Variants in EMSY observed in about 807,000 individuals in gnomAD.
The protein encoded by EMSY is EMSY transcriptional repressor, BRCA2 interacting, also known as BRCA2-interacting transcriptional repressor EMSY.
In EMSY, 26 loss-of-function variants were observed where a neutral mutation model predicts 134.6. That is an observed-to-expected ratio of 0.19 (90% confidence interval 0.14 to 0.27). The LOEUF is 0.27. Among genes scored for constraint, EMSY ranks in the 10% least tolerant of loss-of-function variants. The probability of loss-of-function intolerance (pLI) is 1.00; values close to 1 mark genes in which losing one functional copy is unlikely to be tolerated. For synonymous variants in EMSY, 579 were observed against 577.8 expected, an observed-to-expected ratio of 1.00 and a Z score of -0.03; for missense variants, 1,305 against 1,611.4, an observed-to-expected ratio of 0.81 and a Z score of 3.26.
At chr11:76,494,343 G>A (rs1949544258) in intron 8 of EMSY, among the ~76,000 whole-genome samples, 1 of 152,236 alleles carries the variant, frequency 6.6e-6, no homozygotes, top group South Asian at 2.1e-4. Context: ...TAGTTAGGGA[G>A]TTACCCATGT....
intron 8 of EMSY, among the ~76,000 whole-genome samples, chr11:76,495,709 T>A (rs552834554): frequency 6.6e-6 from 1 of 152,272 alleles, no homozygotes; most frequent in South Asian, 2.1e-4. Flanking sequence ...CTCTTCACCA[T>A]TCTCAGAGAA....
At chr11:76,513,672 C>A in intron 10 of EMSY, 137 bp downstream of exon 11, 1 of 844,404 alleles carries the variant, frequency 1.2e-6, no homozygotes, top group Non-Finnish European at 1.8e-6. Flanking sequence ...TTGATTCTCA[C>A]ACCCCTACTG....
intron 8 of EMSY, among the ~76,000 whole-genome samples, chr11:76,491,112 A>G (rs970407889): frequency 6.6e-6 from 1 of 150,614 alleles, no homozygotes; most frequent in African/African-American, 2.4e-5. Context: ...TGCTGTCCTC[A>G]TTCCTTTCAG....
chr11:76,545,172 T>C (rs1951597139), intron 19 of EMSY, among the ~76,000 whole-genome samples: 1 of 152,250 alleles, frequency 6.6e-6, no homozygotes, highest in East Asian at 1.9e-4. Flanking sequence ...CTCTGATTTC[T>C]GTGGTAATAA....
intron 9 of EMSY, among the ~76,000 whole-genome samples, chr11:76,502,044 G>GAA (rs57263473): frequency 1.3e-3 from 120 of 93,094 alleles, no homozygotes; most frequent in African/African-American, 3.3e-3. Context: ...CATTTGAAAT[G>GAA]AAAAAAAAAA....
At chr11:76,458,250 C>T (rs778297607) in exon 5 of EMSY, 3 of 1,614,096 alleles carry the variant, frequency 1.9e-6, no homozygotes, top group Non-Finnish European at 2.5e-6. Flanking sequence ...ACTGATGCCC[C>T]GGCTCGTTCC....
chr11:76,529,260 T>TA (rs1197428063), intron 14 of EMSY, among the ~76,000 whole-genome samples: 4 of 152,162 alleles, frequency 2.6e-5, no homozygotes, highest in African/African-American at 9.7e-5. Flanking sequence ...AAGCTGTTTA[T>TA]CTTCCCTTGT....
At chr11:76,522,981 T>G (rs1183549665) in intron 11 of EMSY, among the ~76,000 whole-genome samples, 174 bp from the exon 13 acceptor site, 1 of 152,206 alleles carries the variant, frequency 6.6e-6, no homozygotes, top group African/African-American at 2.4e-5. Context: ...ATTCTCTCAT[T>G]CTGGTATGAC....
At chr11:76,511,730 T>G (rs905430961) in intron 9 of EMSY, among the ~76,000 whole-genome samples, 1 of 151,976 alleles carries the variant, frequency 6.6e-6, no homozygotes, top group Non-Finnish European at 1.5e-5. Flanking sequence ...TAATAATAAC[T>G]GTAATTCACT....
intron 8 of EMSY, among the ~76,000 whole-genome samples, chr11:76,494,647 TTCCCTTCCTTCCTTCCTTCC>T (rs1949555053): frequency 7.4e-6 from 1 of 135,292 alleles, no homozygotes; most frequent in Non-Finnish European, 1.6e-5. Flanking sequence ...CTCCTTTCCT[TTCCCTTCCTTCCTTCCTTCC>T]TTCCTTCCTT....
In EMSY at chr11:76,459,868, AT is replaced by A. The variant is rs1164831851; in HGVS notation, c.422-61del. 1.5e-5 allele frequency: 24 copies of A among 1,572,240 alleles called. No individual in the cohort carries two copies. In the African/African-American group the frequency reaches 2.7e-4, roughly 18 times the overall value. ...TTAAAATTGGCCTGCAATAAAAATA[AT>A]TTTTTTGTATGCCTGGACAGTTTTG... is the stretch of plus-strand genomic sequence containing the variant. On this transcript the variant is annotated intron_variant, in intron 5 of 20. Coordinates refer to ENST00000334736, the Ensembl canonical transcript of EMSY.
intron 16 of EMSY, 104 bp downstream of exon 17, chr11:76,538,054 T>C: frequency 9.2e-7 from 1 of 1,086,030 alleles, no homozygotes; most frequent in Non-Finnish European, 1.2e-6. Context: ...TTTTTAGCTT[T>C]TTCCTCTTTG....
chr11:76,542,293 G>A (rs1951467478), exon 18 of EMSY: 9 of 1,614,104 alleles, frequency 5.6e-6, no homozygotes, highest in Middle Eastern at 3.3e-4. Flanking sequence ...GTCACAGACC[G>A]CAACACAGAC....
intron 14 of EMSY, among the ~76,000 whole-genome samples, chr11:76,528,785 T>G (rs1380318632): frequency 6.6e-6 from 1 of 152,110 alleles, no homozygotes; most frequent in Non-Finnish European, 1.5e-5. Context: ...CCTCTCTGGT[T>G]TGGGTAAGTA....
intron 14 of EMSY, among the ~76,000 whole-genome samples, chr11:76,528,958 C>A (rs1245322797): frequency 6.6e-6 from 1 of 152,060 alleles, no homozygotes; most frequent in African/African-American, 2.4e-5. Flanking sequence ...GTTGTTCTGG[C>A]ACAATTATTA....
intron 8 of EMSY, among the ~76,000 whole-genome samples, chr11:76,493,545 C>G (rs1330068519): frequency 6.6e-6 from 1 of 152,134 alleles, no homozygotes; most frequent in Non-Finnish European, 1.5e-5. Context: ...AATTAGCATG[C>G]ACTTTCTCCC....
chr11:76,510,166 C>A (rs1205796498), intron 9 of EMSY, among the ~76,000 whole-genome samples: 2 of 152,202 alleles, frequency 1.3e-5, no homozygotes, highest in Admixed American at 1.3e-4. Flanking sequence ...TCACCCTGGA[C>A]TATAAAGCAA....
intron 8 of EMSY, among the ~76,000 whole-genome samples, chr11:76,481,124 A>G (rs576048580): frequency 6.6e-6 from 1 of 152,152 alleles, no homozygotes; most frequent in Non-Finnish European, 1.5e-5. Context: ...GCTCACTGCA[A>G]GCTCTGCCTC....
chr11:76,528,137 G>C (rs1950909197), intron 13 of EMSY, 131 bp from the exon 15 acceptor site: 2 of 749,952 alleles, frequency 2.7e-6, no homozygotes, highest in African/African-American at 3.5e-5. Context: ...GATGAGCAAT[G>C]CTGTGCCTAA....
Sources: allele counts gnomAD v4.1 joint callset (sites outside exome capture counted in the v4.1 genomes callset), GRCh38; gene constraint gnomAD v4.1.1; transcripts MANE v1.5; gene names NCBI Gene and HGNC (gene_info 2026-07-23, HGNC 2026-07-21).